Variants in CCDC83 observed in about 807,000 individuals in gnomAD.
CCDC83 encodes coiled-coil domain-containing protein 83.
A neutral mutation model predicts 50.1 loss-of-function variants in CCDC83; 54 were observed. The ratio of observed to expected loss-of-function variants is 1.08; its 90% CI spans 0.87 to 1.35. CCDC83 has a LOEUF of 1.35. CCDC83 is among the 40% of genes most tolerant of loss of function. The pLI is 0.00. For synonymous variants in CCDC83, 161 were observed against 153.3 expected (o/e 1.05, Z -0.37); for missense variants, 518 against 473.9 (o/e 1.09, Z -0.86).
intron 7 of CCDC83, among the ~76,000 whole-genome samples, chr11:85,909,347 A>G (rs1565155540): frequency 6.6e-6 from 1 of 152,056 alleles, no homozygotes; most frequent in South Asian, 2.1e-4. Flanking sequence ...TTCTTTCATC[A>G]TATTCCCTCA....
chr11:85,881,498 C>T (rs1394905625), intron 3 of CCDC83, among the ~76,000 whole-genome samples: 3 of 152,162 alleles, frequency 2.0e-5, no homozygotes, highest in Non-Finnish European at 4.4e-5. Flanking sequence ...TCATAGCTCA[C>T]TGTAACCTCA....
At chr11:85,917,169 A>AGAGAGAGAGAGAGAG (rs759852369) in intron 10 of CCDC83, among the ~76,000 whole-genome samples, 3 of 90,164 alleles carry the variant, frequency 3.3e-5, no homozygotes, top group African/African-American at 1.3e-4. Flanking sequence ...AGAGAGAGAG[A>AGAGAGAGAGAGAGAG]AAGAAAGAAA....
At chr11:85,885,499 T>G (rs571051575) in intron 4 of CCDC83, among the ~76,000 whole-genome samples, 1 of 152,342 alleles carries the variant, frequency 6.6e-6, no homozygotes, top group East Asian at 1.9e-4. Context: ...TTGTAATGCT[T>G]CTTTTTCAAA....
intron 9 of CCDC83, among the ~76,000 whole-genome samples, chr11:85,915,765 G>A (rs892598030): frequency 1.3e-5 from 2 of 152,124 alleles, no homozygotes; most frequent in Non-Finnish European, 2.9e-5. Context: ...GTCTACACTG[G>A]CAAGGTTTAG....
intron 7 of CCDC83, 41 bp downstream of exon 7, chr11:85,899,056 A>C: frequency 2.1e-5 from 31 of 1,455,434 alleles, no homozygotes; most frequent in Non-Finnish European, 2.7e-5. Context: ...CTTCGTTCTC[A>C]TTTTTTTAAG....
At chr11:85,864,473 T>C (rs2093195615) in intron 1 of CCDC83, among the ~76,000 whole-genome samples, 1 of 152,216 alleles carries the variant, frequency 6.6e-6, no homozygotes. Context: ...AAGGTGTTTT[T>C]GATTTTTTTA....
intron 2 of CCDC83, among the ~76,000 whole-genome samples, chr11:85,871,314 A>C (rs2093236018): frequency 6.6e-6 from 1 of 152,260 alleles, no homozygotes; most frequent in African/African-American, 2.4e-5. Context: ...ACTGAAAAGG[A>C]AGCATAGAGT....
chr11:85,917,106 G>A (rs567933863), intron 10 of CCDC83, among the ~76,000 whole-genome samples: 2 of 133,024 alleles, frequency 1.5e-5, no homozygotes, highest in Admixed American at 8.2e-5. Context: ...GCGAGACTCT[G>A]AAAAGAAAGA....
chr11:85,862,208 C>T (rs756453213), intron 1 of CCDC83, among the ~76,000 whole-genome samples: 3 of 151,774 alleles, frequency 2.0e-5, no homozygotes, highest in South Asian at 2.1e-4. Context: ...CACTGAGAGG[C>T]GTTTGGGAAA....
At chr11:85,886,865 T>C (rs1366125897) in intron 5 of CCDC83, among the ~76,000 whole-genome samples, 1 of 152,168 alleles carries the variant, frequency 6.6e-6, no homozygotes, top group East Asian at 1.9e-4. Context: ...GGAGCTGTGA[T>C]TGTGCCACTG....
At chr11:85,886,155 GT>G in intron 4 of CCDC83, 44 bp from the exon 5 acceptor site, 1 of 1,449,848 alleles carries the variant, frequency 6.9e-7, no homozygotes, top group Non-Finnish European at 9.2e-7. Context: ...ACATATAATG[GT>G]TACAAGGAAA....
chr11:85,900,194 G>C (rs1282477150), intron 7 of CCDC83, among the ~76,000 whole-genome samples: 1 of 152,114 alleles, frequency 6.6e-6, no homozygotes, highest in Non-Finnish European at 1.5e-5. Flanking sequence ...AAACAAGAGG[G>C]TTACTTGATG....
intron 5 of CCDC83, among the ~76,000 whole-genome samples, chr11:85,888,414 A>T (rs894732469): frequency 2.0e-5 from 3 of 152,210 alleles, no homozygotes; most frequent in African/African-American, 7.2e-5. Context: ...GTGTCTTTTC[A>T]TAACTTCAAG....
rs767217143 is a variant in CCDC83 at position 85,911,380 on chromosome 11, C to T, written c.772C>T (p.Leu258Phe). The T allele has an allele frequency of 6.2e-7, 1 of 1,606,874 alleles. No individual in the cohort carries two copies. Among genetic ancestry groups the T allele is most frequent in the South Asian group, 1.1e-5 (1 of 89,258 alleles). The change falls in exon 8 of 11, where the codon CTT becomes TTT. Residue 258 changes from leucine (L) to phenylalanine (F), a missense_variant. Physicochemically the swap from Leu to Phe is conservative, Grantham distance 22. Coordinates refer to ENST00000342404, the MANE Select transcript of CCDC83 (RefSeq NM_001286159.2). ...VLIDQLSNCRLVDLKIPRRLY... is the reference protein window; with the variant it reads ...VLIDQLSNCRFVDLKIPRRLY... ...TATTGATCAACTATCCAACTGTAGA[C>T]TTGTGGATCTCAAGATACCCAGGTG...
At chr11:85,879,690 G>A (rs2093288549) in intron 3 of CCDC83, among the ~76,000 whole-genome samples, 1 of 151,854 alleles carries the variant, frequency 6.6e-6, no homozygotes, top group South Asian at 2.1e-4. Flanking sequence ...CATGATCTCA[G>A]CTCACTGCAA....
intron 1 of CCDC83, among the ~76,000 whole-genome samples, chr11:85,858,914 T>A (rs889432239): frequency 5.3e-5 from 8 of 152,096 alleles, no homozygotes; most frequent in Non-Finnish European, 1.2e-4. Context: ...TTGGTACTTT[T>A]AGTCTCTGTT....
intron 2 of CCDC83, among the ~76,000 whole-genome samples, chr11:85,869,767 T>G (rs534558355): frequency 1.3e-5 from 2 of 152,330 alleles, no homozygotes; most frequent in South Asian, 4.1e-4. Flanking sequence ...AAAAAGTGTA[T>G]AAGGAACAAT....
chr11:85,902,761 C>T (rs1030125585), intron 7 of CCDC83, among the ~76,000 whole-genome samples: 3 of 152,132 alleles, frequency 2.0e-5, no homozygotes, highest in Admixed American at 2.0e-4. Flanking sequence ...CCCCACCCTG[C>T]CACTTATACC....
Position 85,882,580 on chromosome 11 carries a change from A to C in CCDC83, c.248A>C (p.Lys83Thr). The C allele has an allele frequency of 6.2e-7, 1 of 1,613,972 alleles. No homozygotes were observed. Among genetic ancestry groups the C allele is most frequent in the Non-Finnish European group, 8.5e-7 (1 of 1,179,832 alleles). ...CTACTAAAGGAACTGAGTGAAGAGA[A>C]GGCAGAGGGATTGCCAGTTGTAACA... Reference protein sequence around the residue: ...RHLLKELSEEKAEGLPVVTRE... With the variant: ...RHLLKELSEETAEGLPVVTRE... Residue 83 changes from lysine to threonine, a missense_variant, in exon 4 of 11, where the codon AAG becomes ACG. Transcript: ENST00000342404.
Sources: gnomAD v4.1 joint callset for allele counts (sites outside exome capture counted in the v4.1 genomes callset) on GRCh38, gnomAD v4.1.1 for gene constraint, MANE v1.5 for transcripts, NCBI Gene and HGNC (gene_info 2026-07-23, HGNC 2026-07-21) for gene names.